The following WBP4 variants were observed in gnomAD, a reference collection of about 807,000 sequenced individuals.
WBP4 encodes WW domain binding protein 4.
WBP4 carries 37 observed loss-of-function variants against 55.4 expected under a neutral mutation model. That is an observed-to-expected ratio of 0.67 (90% confidence interval 0.51 to 0.88). The LOEUF (loss-of-function observed/expected upper bound fraction) is 0.88, where lower values mean the gene tolerates loss of function less well. Among genes scored for constraint, WBP4 ranks in the 40% least tolerant of loss-of-function variants. The pLI is 0.00. For synonymous variants in WBP4, 142 were observed against 140.2 expected (o/e 1.01, Z -0.09); for missense variants, 398 against 420.8 (o/e 0.95, Z 0.47).
At chr13:41,062,589 A>C in intron 1 of WBP4, 55 bp from the exon 2 acceptor site, 1 of 1,530,324 alleles carries the variant, frequency 6.5e-7, no homozygotes, top group South Asian at 1.2e-5. Flanking sequence ...AGCATGCAGA[A>C]TTTAACCTTT....
chr13:41,076,193 G>A lies in WBP4; in HGVS notation c.712G>A (p.Gly238Arg). 1 of 1,612,398 alleles carries A rather than the reference G, an allele frequency of 6.2e-7. No homozygotes were observed. The highest frequency in any genetic ancestry group is 8.5e-7 in the Non-Finnish European group (1 of 1,179,822). ...DSDGEQEAEE[G>R]GVSTETEKPK... The stretch of plus-strand genomic sequence containing the variant: ...TGATGGGGAACAGGAAGCAGAAGAA[G>A]GAGGGGTCTCTACAGAGACAGAAAA... Residue 238 changes from glycine (G) to arginine (R), a missense_variant, in exon 8 of 10, where the codon GGA (glycine) becomes AGA (arginine). By Grantham distance (125) the Gly-to-Arg change is moderately radical (BLOSUM62 -2). Transcript: ENST00000379487.
chr13:41,070,064 T>G (rs1460111946), intron 5 of WBP4, among the ~76,000 whole-genome samples: 3 of 152,140 alleles, frequency 2.0e-5, no homozygotes, highest in Non-Finnish European at 4.4e-5. Context: ...TCATAAAATT[T>G]AGCGACAAAT....
intron 6 of WBP4, 55 bp downstream of exon 6, chr13:41,071,628 C>G: frequency 2.0e-6 from 3 of 1,516,356 alleles, no homozygotes; most frequent in East Asian, 2.3e-5. Context: ...TGATTCGTTT[C>G]TTAGGTTTTT....
At chr13:41,073,916 T>C (rs1297954306) in intron 7 of WBP4, among the ~76,000 whole-genome samples, 2 of 152,026 alleles carry the variant, frequency 1.3e-5, no homozygotes, top group Non-Finnish European at 2.9e-5. Context: ...CATGCATAAA[T>C]ACTAATTGTT....
chr13:41,061,529 G>C lies in WBP4; in HGVS notation c.-145G>C. ...CACCCGTAGTTGGGAACAGCGGAAC[G>C]CTGGTCCCGGGGACTGAGTAAGGTG... On this transcript the variant is annotated 5_prime_UTR_variant, in exon 1 of 10. Transcript: ENST00000379487. 5.3e-6 allele frequency: 7 copies of C among 1,310,954 alleles called. No homozygotes were observed. Among genetic ancestry groups the C allele is most frequent in the Non-Finnish European group, 7.5e-6 (7 of 931,740 alleles). The allele number at this position is 1,310,954 out of a possible 1,614,324, so 81.2% of individuals were successfully genotyped here.
intron 6 of WBP4, 89 bp from the exon 7 acceptor site, chr13:41,072,693 G>T: frequency 9.1e-7 from 1 of 1,099,396 alleles, no homozygotes. Context: ...GGTGTCAGGA[G>T]GAGAGGCAAG....
chr13:41,080,883 A>G, intron 9 of WBP4, 74 bp downstream of exon 9: 1 of 1,412,358 alleles, frequency 7.1e-7, no homozygotes, highest in Non-Finnish European at 9.8e-7. Flanking sequence ...AAATTGCAGT[A>G]AGTAATTTCA....
At chr13:41,080,612 T>G (rs1317207134) in intron 8 of WBP4, 34 bp from the exon 9 acceptor site, 2 of 1,529,880 alleles carry the variant, frequency 1.3e-6, no homozygotes, top group Non-Finnish European at 1.8e-6. Context: ...TAGTTTTGCT[T>G]GAACTGTATT....
intron 9 of WBP4, 25 bp downstream of exon 9, chr13:41,080,834 A>G (rs1878741906): frequency 6.3e-7 from 1 of 1,585,658 alleles, no homozygotes; most frequent in Non-Finnish European, 8.5e-7. Context: ...CTTTAATCCC[A>G]CTGTTATTAC....
At position 41,071,547 on chromosome 13, in the gene WBP4, G is replaced by A; in HGVS notation, c.460G>A (p.Glu154Lys). The A allele has an allele frequency of 6.2e-7, 1 of 1,610,120 alleles. No individual in the cohort carries two copies. The highest frequency in any genetic ancestry group is 8.5e-7 in the Non-Finnish European group (1 of 1,178,062). ...ISGASQWEKPEGFQGDLKKTA... is the reference protein window; with the variant it reads ...ISGASQWEKPKGFQGDLKKTA... The stretch of plus-strand genomic sequence containing the variant: ...TTAAGCATCTCAGTGGGAGAAACCT[G>A]AAGGATTTCAAGGAGACTTAAAAAA... The change falls in exon 6 of 10, where the codon GAA (glutamate) becomes AAA (lysine). Residue 154 changes from glutamate (E) to lysine (K), a missense_variant. By Grantham distance (56) the Glu-to-Lys change is moderately conservative (BLOSUM62 1). Coordinates refer to ENST00000379487, the MANE Select transcript of WBP4 (RefSeq NM_007187.5).
rs1878859114 is a variant in WBP4 at position 41,083,139 on chromosome 13, C to G, written c.*225C>G. ...TAATACAGTGTATTATGTTCAGTGT[C>G]TAAAAACTGCTAATTAAGTCATAAT... On this transcript the variant is annotated 3_prime_UTR_variant, in exon 10 of 10. Coordinates refer to ENST00000379487, the MANE Select transcript of WBP4 (RefSeq NM_007187.5). 1 of 400,414 alleles carries G rather than the reference C, an allele frequency of 2.5e-6. No homozygotes were observed. Among genetic ancestry groups the G allele is most frequent in the Non-Finnish European group, 4.5e-6 (1 of 223,470 alleles). The allele number at this position is 400,414 out of a possible 1,614,324, so 24.8% of individuals were successfully genotyped here.
At position 41,081,763 on chromosome 13, in the gene WBP4, A is replaced by G. The variant is rs995107069; in HGVS notation, c.921-941A>G. Among the ~76,000 whole-genome samples the G allele has an allele frequency of 1.2e-4, 18 of 152,258 alleles. No individual in the cohort carries two copies. In the South Asian group the frequency reaches 1.4e-3, roughly 12 times the overall value. ...CAGGAGTTGGAGGCTGCTTTGAGCT[A>G]TGATGGCACCACTTCACTCCAGCCT... On this transcript the variant is annotated intron_variant, in intron 9 of 9. Coordinates refer to ENST00000379487, the MANE Select transcript of WBP4 (RefSeq NM_007187.5).
chr13:41,081,741 G>A (rs1436832341), intron 9 of WBP4, among the ~76,000 whole-genome samples: 1 of 152,074 alleles, frequency 6.6e-6, no homozygotes, highest in Non-Finnish European at 1.5e-5. Context: ...TTGAGCCCAG[G>A]AGTTGGAGGC....
intron 3 of WBP4, 29 bp from the exon 4 acceptor site, chr13:41,065,135 A>G (rs749293982): frequency 3.7e-6 from 6 of 1,602,858 alleles, no homozygotes; most frequent in Middle Eastern, 1.7e-4. Flanking sequence ...CCTTTATCTC[A>G]CTTTCACTGT....
chr13:41,081,349 CTT>C (rs1213221279), intron 9 of WBP4, among the ~76,000 whole-genome samples: 1 of 150,664 alleles, frequency 6.6e-6, no homozygotes, highest in African/African-American at 2.4e-5. Flanking sequence ...AAAAAAAAAA[CTT>C]AGCAGGGAAT....
chr13:41,070,783 C>T (rs1323939703), intron 5 of WBP4, among the ~76,000 whole-genome samples: 3 of 151,884 alleles, frequency 2.0e-5, no homozygotes, highest in Admixed American at 6.6e-5. Context: ...AGAAGAAAAG[C>T]CAGCAAAAGA....
In WBP4 at chr13:41,067,327, C is replaced by T. The variant is rs117198045; in HGVS notation, c.263-1234C>T. On this transcript the variant is annotated intron_variant, in intron 4 of 9. Transcript: ENST00000379487. ...TAATACTGGATTTGGTCATTCTTTT[C>T]ACTACTTATTGATCTTCTGCAAAAC... 2.0e-5 allele frequency among the ~76,000 whole-genome samples: 3 copies of T among 152,332 alleles called. No individual in the cohort carries two copies. The East Asian group carries it at 5.8e-4, about 29-fold the overall frequency.
intron 7 of WBP4, among the ~76,000 whole-genome samples, chr13:41,074,227 G>A (rs983161311): frequency 6.6e-5 from 10 of 152,112 alleles, no homozygotes; most frequent in African/African-American, 1.9e-4. Flanking sequence ...CACCGCGCCC[G>A]GCCCTAAAAC....
intron 4 of WBP4, 34 bp downstream of exon 4, chr13:41,065,321 T>A: frequency 2.0e-6 from 3 of 1,536,554 alleles, no homozygotes; most frequent in Non-Finnish European, 2.6e-6. Flanking sequence ...GCAGCCAGCA[T>A]GTTTTAAAAG....
Sources: allele counts gnomAD v4.1 joint callset (sites outside exome capture counted in the v4.1 genomes callset), GRCh38; gene constraint gnomAD v4.1.1; transcripts MANE v1.5; gene names NCBI Gene and HGNC (gene_info 2026-07-23, HGNC 2026-07-21).